The following CPAMD8 variants were observed in gnomAD, a reference collection of about 807,000 sequenced individuals.
CPAMD8 encodes C3 and PZP like alpha-2-macroglobulin domain containing 8.
Under a neutral mutation model 224.7 loss-of-function variants are expected in CPAMD8, and 146 were observed. That is an observed-to-expected ratio of 0.65 (90% CI 0.57 to 0.75). The LOEUF is 0.75. Among genes scored for constraint, CPAMD8 ranks in the 30% least tolerant of loss-of-function variants. The probability of loss-of-function intolerance (pLI) is 0.00; values close to 1 mark genes in which losing one functional copy is unlikely to be tolerated. For synonymous variants in CPAMD8, 966 were observed against 1,044.6 expected (o/e 0.92, Z 1.45); for missense variants, 2,301 against 2,537.5 (o/e 0.91, Z 2.00).
chr19:17,020,043 C>T (rs976752065), intron 3 of CPAMD8, among the ~76,000 whole-genome samples: 5 of 141,948 alleles, frequency 3.5e-5, no homozygotes, highest in East Asian at 4.1e-4. Context: ...GGTGCAATCT[C>T]GGCTCACAGC....
At chr19:16,906,403 T>TC (rs1404053342) in intron 30 of CPAMD8, among the ~76,000 whole-genome samples, 1 of 79,814 alleles carries the variant, frequency 1.3e-5, no homozygotes, top group African/African-American at 5.7e-5. Flanking sequence ...TCTTTCTTTC[T>TC]TTCTTTCCTT....
At chr19:16,917,328 G>A (rs979183858) in intron 27 of CPAMD8, among the ~76,000 whole-genome samples, 1 of 152,170 alleles carries the variant, frequency 6.6e-6, no homozygotes, top group Non-Finnish European at 1.5e-5. Flanking sequence ...TCCATCAATT[G>A]TAACAAATAC....
At chr19:16,894,838 T>C (rs2051895747) in intron 41 of CPAMD8, 1 of 252,326 alleles carries the variant, frequency 4.0e-6, no homozygotes, top group Non-Finnish European at 8.1e-6. Context: ...GCCCAGGAAT[T>C]TGAGGCTGCA....
chr19:16,959,640 G>C (rs144329372), intron 18 of CPAMD8, among the ~76,000 whole-genome samples: 2 of 151,054 alleles, frequency 1.3e-5, no homozygotes, highest in Non-Finnish European at 3.0e-5. Context: ...TCCCAGGTTC[G>C]AGCAATTCTC....
chr19:16,970,253 A>AG lies in CPAMD8; in HGVS notation c.2213+637_2213+638insC, dbSNP rs570579650. On this transcript the variant is annotated intron_variant, in intron 18 of 41. Coordinates refer to ENST00000443236, the MANE Select transcript of CPAMD8 (RefSeq NM_015692.5). ...GACTCTGTCTCAAAAAAAAAAAAAA[A>AG]AAAGAAAGAAAGAGAGAAAGACACC... Among the ~76,000 whole-genome samples, 861 of 150,282 alleles carry AG rather than the reference A, an allele frequency of 5.7e-3. 6 individuals are homozygous for AG. Among genetic ancestry groups the AG allele is most frequent in the Non-Finnish European group, 9.4e-3 (633 of 67,488 alleles).
intron 1 of CPAMD8, among the ~76,000 whole-genome samples, chr19:17,025,707 A>T (rs2057063241): frequency 6.6e-6 from 1 of 152,198 alleles, no homozygotes; most frequent in South Asian, 2.1e-4. Flanking sequence ...ATTCTAAGGG[A>T]TGCCAGCTTT....
intron 32 of CPAMD8, 50 bp downstream of exon 32, chr19:16,904,176 A>ACCCCCCCCCCCCCCCCCC: frequency 1.1e-6 from 1 of 937,338 alleles, no homozygotes; most frequent in East Asian, 2.6e-5. Flanking sequence ...GACTGCAGGG[A>ACCCCCCCCCCCCCCCCCC]CCCCACCCAC....
intron 13 of CPAMD8, among the ~76,000 whole-genome samples, chr19:16,988,718 G>A (rs2055833246): frequency 1.3e-5 from 2 of 152,138 alleles, no homozygotes; most frequent in Non-Finnish European, 2.9e-5. Context: ...TGTGTCAGCT[G>A]TAGTATTAGG....
intron 3 of CPAMD8, among the ~76,000 whole-genome samples, chr19:17,018,497 T>G (rs1315718462): frequency 6.6e-6 from 1 of 152,114 alleles, no homozygotes; most frequent in Non-Finnish European, 1.5e-5. Flanking sequence ...TCAATTTGGC[T>G]GTTTAGCCTA....
rs145137925 is a variant in CPAMD8 at position 16,923,753 on chromosome 19, C to T, written c.3547+1443G>A. 4.7e-3 allele frequency among the ~76,000 whole-genome samples: 711 copies of T among 152,128 alleles called. 5 individuals carry two copies. Among genetic ancestry groups the T allele is most frequent in the African/African-American group, 0.016 (680 of 41,492 alleles). On this transcript the variant is annotated intron_variant, in intron 26 of 41. Transcript: ENST00000443236. ...CCAAGGTGAGAGGATCACTTGAGGC[C>T]GGGAGTTCAAGACCAGCCTGGACAA...
intron 2 of CPAMD8, among the ~76,000 whole-genome samples, chr19:17,021,052 C>T (rs1412938432): frequency 6.6e-6 from 1 of 152,126 alleles, no homozygotes; most frequent in Non-Finnish European, 1.5e-5. Flanking sequence ...TCAGCATAGG[C>T]CTTCCCCTCT....
At chr19:17,000,385 A>G in intron 10 of CPAMD8, 29 bp downstream of exon 10, 1 of 852,640 alleles carries the variant, frequency 1.2e-6, no homozygotes. Context: ...GGGTTGGGTC[A>G]GGGGGTAGAA....
At chr19:16,995,978 C>G (rs7257756) in intron 11 of CPAMD8, among the ~76,000 whole-genome samples, 2 of 151,866 alleles carry the variant, frequency 1.3e-5, no homozygotes, top group African/African-American at 4.8e-5. Context: ...GGTGAAACCC[C>G]GTCTCTACTA....
chr19:16,915,673 A>G (rs922336919), intron 27 of CPAMD8, among the ~76,000 whole-genome samples: 4 of 152,208 alleles, frequency 2.6e-5, no homozygotes, highest in African/African-American at 9.7e-5. Context: ...GGAAGCCAGG[A>G]GGCCATGAGG....
Position 16,969,901 on chromosome 19 carries a change from A to G in CPAMD8, c.2213+990T>C, listed in dbSNP as rs139321185. On this transcript the variant is annotated intron_variant, in intron 18 of 41. Coordinates refer to ENST00000443236, the MANE Select transcript of CPAMD8 (RefSeq NM_015692.5). ...AAAAAAAAAAAAAACAAAAACAACG[A>G]AAAACTTACTAATAGCAGTTGTTAA... Among the ~76,000 whole-genome samples the G allele has an allele frequency of 6.9e-3, 1,011 of 147,494 alleles. 30 individuals are homozygous for G. Among genetic ancestry groups the G allele is most frequent in the African/African-American group, 0.025 (963 of 39,058 alleles).
chr19:16,896,301 G>C lies in CPAMD8; in HGVS notation c.5301C>G (p.Ser1767=), dbSNP rs926396475. ...AAGCCAGGTCATCCCCGTAGGTGGA[G>C]GACGACGAGGCCGGCAGCCGCTGCT... The part of the protein sequence containing the change: ...ALEQRLPASS[S]STYGDDLASV... The change falls in exon 41 of 42, where the codon TCC becomes TCG. Residue 1767 remains serine, a synonymous_variant. Coordinates refer to ENST00000443236, the MANE Select transcript of CPAMD8 (RefSeq NM_015692.5). The C allele has an allele frequency of 1.0e-4, 161 of 1,610,588 alleles. 1 individual carries two copies. In the East Asian group the frequency reaches 3.5e-3, roughly 36 times the overall value.
intron 12 of CPAMD8, 48 bp downstream of exon 12, chr19:16,993,368 A>C: frequency 6.4e-7 from 1 of 1,558,566 alleles, no homozygotes; most frequent in Non-Finnish European, 8.7e-7. Context: ...GGAGGCCCCA[A>C]GTCCATACCT....
intron 18 of CPAMD8, among the ~76,000 whole-genome samples, chr19:16,967,374 G>A (rs2054863919): frequency 6.6e-6 from 1 of 151,984 alleles, no homozygotes; most frequent in South Asian, 2.1e-4. Flanking sequence ...AGCATTAGGA[G>A]TAATACCTAA....
At chr19:16,978,992 C>G (rs914141342) in intron 14 of CPAMD8, among the ~76,000 whole-genome samples, 1 of 149,126 alleles carries the variant, frequency 6.7e-6, no homozygotes, top group Admixed American at 6.7e-5. Flanking sequence ...AATCATCTAT[C>G]CATCTGTTCA....
Sources: gnomAD v4.1 joint callset for allele counts (sites outside exome capture counted in the v4.1 genomes callset) on GRCh38, gnomAD v4.1.1 for gene constraint, MANE v1.5 for transcripts, NCBI Gene and HGNC (gene_info 2026-07-23, HGNC 2026-07-21) for gene names.